The following PCDH15 variants were observed in gnomAD, a reference collection of about 807,000 sequenced individuals.
PCDH15 encodes protocadherin-15.
PCDH15 carries 129 observed loss-of-function variants against 178.5 expected under a neutral mutation model. That is an observed-to-expected ratio of 0.72 (90% CI 0.63 to 0.84). The LOEUF (loss-of-function observed/expected upper bound fraction) is 0.84. PCDH15 is among the 40% of genes least tolerant of loss of function. PCDH15 has a pLI of 0.00. For synonymous variants in PCDH15, 800 were observed against 732.0 expected (o/e 1.09, Z -1.50); for missense variants, 2,230 against 2,099.9 (o/e 1.06, Z -1.21).
intron 17 of PCDH15, among the ~76,000 whole-genome samples, chr10:54,078,922 A>T (rs965257648): frequency 6.6e-5 from 10 of 152,196 alleles, no homozygotes; most frequent in Non-Finnish European, 1.3e-4. Flanking sequence ...GTGCTTAAAG[A>T]TATTTATCCA....
intron 2 of PCDH15, among the ~76,000 whole-genome samples, chr10:55,548,210 G>GCACACACACA (rs200097115): frequency 8.3e-6 from 1 of 121,190 alleles, no homozygotes; most frequent in Non-Finnish European, 1.9e-5. Context: ...AATGCCTAAT[G>GCACACACACA]CACACACACA....
At chr10:54,185,867 G>T (rs1390610869) in intron 11 of PCDH15, among the ~76,000 whole-genome samples, 4 of 151,842 alleles carry the variant, frequency 2.6e-5, no homozygotes, top group Non-Finnish European at 5.9e-5. Context: ...AAATATTTCA[G>T]ATAATTTGAT....
intron 1 of PCDH15, among the ~76,000 whole-genome samples, chr10:55,214,295 GC>G (rs1270074819): frequency 6.7e-6 from 1 of 149,822 alleles, no homozygotes; most frequent in African/African-American, 2.5e-5. Context: ...ATTTTATATA[GC>G]CTTATCATTT....
chr10:54,580,968 A>G (rs1052662014), intron 2 of PCDH15, among the ~76,000 whole-genome samples: 1 of 152,148 alleles, frequency 6.6e-6, no homozygotes, highest in Non-Finnish European at 1.5e-5. Flanking sequence ...AATAAGAGTC[A>G]TCTATGACAA....
At chr10:55,469,861 A>G (rs1192648176) in intron 2 of PCDH15, among the ~76,000 whole-genome samples, 2 of 152,022 alleles carry the variant, frequency 1.3e-5, no homozygotes, top group East Asian at 1.9e-4. Context: ...TACTTAGAAA[A>G]GCCAATATAT....
At chr10:54,731,563 T>TACACACACACACACAC (rs1159070523) in intron 1 of PCDH15, among the ~76,000 whole-genome samples, 2 of 49,882 alleles carry the variant, frequency 4.0e-5, no homozygotes, top group African/African-American at 1.3e-4. Context: ...TATATATATA[T>TACACACACACACACAC]ACACACACAC....
intron 2 of PCDH15, among the ~76,000 whole-genome samples, chr10:55,625,125 C>G (rs1464849248): frequency 2.0e-5 from 3 of 152,008 alleles, no homozygotes; most frequent in African/African-American, 7.2e-5. Flanking sequence ...GCCATCAGTA[C>G]ACTGATTTTT....
At chr10:54,886,700 T>G (rs1346583159) in intron 3 of PCDH15, among the ~76,000 whole-genome samples, 1 of 152,204 alleles carries the variant, frequency 6.6e-6, no homozygotes, top group Non-Finnish European at 1.5e-5. Flanking sequence ...AGGAGGAGGT[T>G]GCAGTGAGTG....
At chr10:54,581,820 G>A (rs2091072090) in intron 2 of PCDH15, among the ~76,000 whole-genome samples, 1 of 151,806 alleles carries the variant, frequency 6.6e-6, no homozygotes, top group Non-Finnish European at 1.5e-5. Flanking sequence ...GTGAACGCTG[G>A]GTAATGTTCA....
intron 3 of PCDH15, among the ~76,000 whole-genome samples, chr10:54,424,738 T>C (rs1045484371): frequency 1.3e-5 from 2 of 151,674 alleles, no homozygotes; most frequent in African/African-American, 4.8e-5. Flanking sequence ...TAACCATCAT[T>C]CTGAGCAAAC....
intron 8 of PCDH15, among the ~76,000 whole-genome samples, chr10:54,312,264 A>C (rs2133523364): frequency 6.6e-6 from 1 of 152,278 alleles, no homozygotes; most frequent in Admixed American, 6.6e-5. Context: ...AAGCTCAAAA[A>C]CTAACTCCAG....
At chr10:55,485,389 C>T (rs142854447) in intron 2 of PCDH15, among the ~76,000 whole-genome samples, 159 of 151,706 alleles carry the variant, frequency 1.0e-3, no homozygotes, top group African/African-American at 3.6e-3. Flanking sequence ...CAATTGCAAC[C>T]TCAGGCATAA....
At chr10:55,305,086 A>G (rs1240187641) in intron 1 of PCDH15, among the ~76,000 whole-genome samples, 1 of 152,184 alleles carries the variant, frequency 6.6e-6, no homozygotes, top group Non-Finnish European at 1.5e-5. Flanking sequence ...ATCCAGAACA[A>G]AAAGGTAACT....
In PCDH15 at chr10:54,079,408, A is replaced by C; in HGVS notation, c.2014T>G (p.Leu672Val). The change falls in exon 17 of 38, where the codon TTA (leucine) becomes GTA (valine). Residue 672 changes from leucine to valine, a missense_variant. Coordinates refer to ENST00000644397, the MANE Select transcript of PCDH15 (RefSeq NM_001384140.1). ...NLSETTGILTLGKALDRESTD... is the reference protein window; with the variant it reads ...NLSETTGILTVGKALDRESTD... Reference sequence around the variant, plus strand: ...CTTTCCCTGTCCAGTGCTTTCCCTAAGGTTAGAATCCCCGTGCTAGTGACA... The same window carrying C: ...CTTTCCCTGTCCAGTGCTTTCCCTACGGTTAGAATCCCCGTGCTAGTGACA... 6.2e-7 allele frequency: 1 copy of C among 1,614,082 alleles called. No homozygotes were observed. The highest frequency in any genetic ancestry group is 8.5e-7 in the Non-Finnish European group (1 of 1,179,958).
chr10:54,868,958 G>C (rs957078178), intron 3 of PCDH15: 3 of 152,060 alleles, frequency 2.0e-5, no homozygotes, highest in African/African-American at 7.2e-5. Context: ...AGAAGCCATA[G>C]CATGGAATAA....
At chr10:54,660,104 A>G (rs533529836) in intron 2 of PCDH15, among the ~76,000 whole-genome samples, 1 of 152,282 alleles carries the variant, frequency 6.6e-6, no homozygotes, top group South Asian at 2.1e-4. Flanking sequence ...TGGAGTTGAG[A>G]CTGTAAAAAC....
At chr10:54,830,016 G>C (rs1337734590) in intron 3 of PCDH15, among the ~76,000 whole-genome samples, 1 of 152,046 alleles carries the variant, frequency 6.6e-6, no homozygotes, top group African/African-American at 2.4e-5. Flanking sequence ...TGCAGGAAGA[G>C]AGTTCTCATT....
At chr10:55,179,707 T>G (rs540547589) in intron 1 of PCDH15, among the ~76,000 whole-genome samples, 2 of 152,062 alleles carry the variant, frequency 1.3e-5, no homozygotes, top group African/African-American at 4.8e-5. Context: ...TTCCTCTTGG[T>G]TGTGGGACAA....
At chr10:55,378,412 C>T (rs1228104902) in intron 2 of PCDH15, among the ~76,000 whole-genome samples, 1 of 152,010 alleles carries the variant, frequency 6.6e-6, no homozygotes, top group Non-Finnish European at 1.5e-5. Context: ...GAATTTGGTG[C>T]TATTCTCATA....
Sources: allele counts gnomAD v4.1 joint callset (sites outside exome capture counted in the v4.1 genomes callset), GRCh38; gene constraint gnomAD v4.1.1; transcripts MANE v1.5; gene names NCBI Gene and HGNC (gene_info 2026-07-23, HGNC 2026-07-21).